AKAP19: variants seen among roughly 807,000 people sequenced by gnomAD.
AKAP19 encodes the protein A-kinase anchoring protein 19, also known as small A-kinase anchoring protein.
chr2:190,181,037 G>A, the AKAP19 span: 1 of 985,590 alleles, frequency 1.0e-6, no homozygotes, highest in African/African-American at 1.7e-5. Flanking sequence ...CCGGGCCTGA[G>A]CGCAGGCTGC....
the AKAP19 span, among the ~76,000 whole-genome samples, chr2:189,914,307 G>A: frequency 6.6e-6 from 1 of 152,038 alleles, no homozygotes; most frequent in African/African-American, 2.4e-5. Context: ...TTTCTGAAGA[G>A]AAGTTATTTG....
chr2:190,169,655 G>A, the AKAP19 span, among the ~76,000 whole-genome samples: 866 of 152,320 alleles, frequency 5.7e-3, 9 homozygotes, highest in African/African-American at 0.019. Context: ...AGATGTTTAA[G>A]CATTATGAAA....
chr2:189,904,312 G>T, the AKAP19 span, among the ~76,000 whole-genome samples: 2,399 of 152,088 alleles, frequency 0.016, 27 homozygotes, highest in Non-Finnish European at 0.022. Flanking sequence ...AACACAAAGT[G>T]CGTAAGTGAC....
the AKAP19 span, among the ~76,000 whole-genome samples, chr2:190,160,923 A>G: frequency 6.6e-6 from 1 of 152,152 alleles, no homozygotes; most frequent in Non-Finnish European, 1.5e-5. Context: ...AATGAAATCT[A>G]ATCGAGTACT....
chr2:189,910,552 GAA>G, the AKAP19 span, among the ~76,000 whole-genome samples: 1 of 146,918 alleles, frequency 6.8e-6, no homozygotes, highest in African/African-American at 2.5e-5. Context: ...TTCAAAGATA[GAA>G]AAAAAAAAGA....
the AKAP19 span, among the ~76,000 whole-genome samples, chr2:190,071,147 C>G: frequency 2.0e-5 from 3 of 152,006 alleles, no homozygotes; most frequent in African/African-American, 2.4e-5. Flanking sequence ...GCTTATAAAA[C>G]AAGGATATAA....
the AKAP19 span, among the ~76,000 whole-genome samples, chr2:190,051,934 T>A: frequency 1.3e-5 from 2 of 151,686 alleles, no homozygotes; most frequent in African/African-American, 4.8e-5. Context: ...ACCTCCCGGG[T>A]TCACGCCATT....
At chr2:189,942,738 G>A in the AKAP19 span, among the ~76,000 whole-genome samples, 1 of 152,220 alleles carries the variant, frequency 6.6e-6, no homozygotes, top group Non-Finnish European at 1.5e-5. Context: ...GGGAACTAAG[G>A]CAGTCATATG....
the AKAP19 span, among the ~76,000 whole-genome samples, chr2:189,928,816 A>G: frequency 6.6e-6 from 1 of 152,204 alleles, no homozygotes; most frequent in East Asian, 1.9e-4. Flanking sequence ...GCAGCTCAAC[A>G]TAAAATAATA....
chr2:190,173,237 A>C, the AKAP19 span, among the ~76,000 whole-genome samples: 2,064 of 152,356 alleles, frequency 0.014, 25 homozygotes, highest in Middle Eastern at 0.027. Flanking sequence ...TCTCTACTAC[A>C]TCTGATGAGG....
the AKAP19 span, chr2:190,062,246 T>C: frequency 6.2e-7 from 1 of 1,613,064 alleles, no homozygotes; most frequent in Non-Finnish European, 8.5e-7. Flanking sequence ...TGGTAATGAT[T>C]GTTTCCGTTG....
the AKAP19 span, among the ~76,000 whole-genome samples, chr2:190,122,411 G>C: frequency 6.6e-6 from 1 of 152,132 alleles, no homozygotes. Context: ...CAGTTTCTTT[G>C]TCTCTTTAAA....
the AKAP19 span, among the ~76,000 whole-genome samples, chr2:189,895,697 A>T: frequency 3.9e-3 from 594 of 152,290 alleles, 7 homozygotes; most frequent in Non-Finnish European, 6.6e-3. Context: ...CTTGAATATC[A>T]GGCTAAAGGT....
the AKAP19 span, among the ~76,000 whole-genome samples, chr2:190,164,939 T>C: frequency 2.0e-5 from 3 of 152,230 alleles, no homozygotes; most frequent in South Asian, 4.1e-4. Context: ...TTTTTGTTGG[T>C]TATACATCTA....
chr2:190,007,322 G>A, the AKAP19 span, among the ~76,000 whole-genome samples: 3 of 152,256 alleles, frequency 2.0e-5, no homozygotes, highest in South Asian at 6.2e-4. Context: ...CATAACATCC[G>A]TTCTCTCACT....
the AKAP19 span, among the ~76,000 whole-genome samples, chr2:190,191,252 C>G: frequency 6.6e-6 from 1 of 152,106 alleles, no homozygotes; most frequent in South Asian, 2.1e-4. Context: ...AGGTGATTCT[C>G]ATGCCTCAGC....
the AKAP19 span, among the ~76,000 whole-genome samples, chr2:190,040,844 TA>T: frequency 6.6e-6 from 1 of 152,210 alleles, no homozygotes; most frequent in Admixed American, 6.5e-5. Context: ...ATGTTGGCCT[TA>T]TTTCTGGGCT....
the AKAP19 span, among the ~76,000 whole-genome samples, chr2:189,924,758 A>T: frequency 3.3e-3 from 495 of 152,218 alleles, 4 homozygotes; most frequent in Middle Eastern, 0.01. Context: ...CTCTAGAAAA[A>T]TAATTAGTGT....
At chr2:190,130,497 TA>T in the AKAP19 span, among the ~76,000 whole-genome samples, 1 of 152,162 alleles carries the variant, frequency 6.6e-6, no homozygotes, top group African/African-American at 2.4e-5. Flanking sequence ...AAAAAAATTT[TA>T]AAAAGCTAAA....
Sources: allele counts gnomAD v4.1 joint callset (sites outside exome capture counted in the v4.1 genomes callset), GRCh38; gene constraint gnomAD v4.1.1; transcripts MANE v1.5; gene names NCBI Gene and HGNC (gene_info 2026-07-23, HGNC 2026-07-21).